The following DPPA2 variants were observed in gnomAD, a reference collection of about 807,000 sequenced individuals.
DPPA2 encodes the protein developmental pluripotency-associated protein 2.
A neutral mutation model predicts 36.2 loss-of-function variants in DPPA2; 26 were observed. The observed-to-expected ratio is 0.72, with a 90% CI of 0.53 to 1.00. DPPA2 has a LOEUF of 1.00. DPPA2 is among the 50% of genes least tolerant of loss of function. DPPA2 has a pLI of 0.00. For synonymous variants in DPPA2, 113 were observed against 123.2 expected (o/e 0.92, Z 0.55); for missense variants, 361 against 365.1 (o/e 0.99, Z 0.09).
At chr3:109,300,332 A>G (rs547471491) in intron 8 of DPPA2, 39 bp downstream of exon 8, 2 of 1,536,042 alleles carry the variant, frequency 1.3e-6, no homozygotes, top group East Asian at 2.2e-5. Context: ...TCAAATCAAA[A>G]TAATACTTAT....
chr3:109,304,494 A>AT lies in DPPA2; in HGVS notation c.834dup (p.Cys279MetfsTer6). The AT allele has an allele frequency of 6.2e-7, 1 of 1,613,578 alleles. No individual in the cohort carries two copies. Among genetic ancestry groups the AT allele is most frequent in the South Asian group, 1.1e-5 (1 of 91,022 alleles). ...GGTTACCTCTTAGCACAGTCGGGGC[A>AT]TAACATATTATCTTCTATGCCTGGG... is the stretch of plus-strand genomic sequence containing the variant. On this transcript the variant is annotated frameshift_variant, in exon 7 of 9. Coordinates refer to ENST00000478945, the MANE Select transcript of DPPA2 (RefSeq NM_138815.4). LOFTEE classifies it high-confidence loss of function.
intron 1 of DPPA2, among the ~76,000 whole-genome samples, chr3:109,315,097 T>A (rs1431301989): frequency 1.3e-5 from 2 of 151,550 alleles, no homozygotes; most frequent in Non-Finnish European, 2.9e-5. Flanking sequence ...AAAAAATAGG[T>A]GAAACTTGAA....
intron 6 of DPPA2, among the ~76,000 whole-genome samples, chr3:109,306,626 A>G (rs1450581414): frequency 2.0e-5 from 3 of 152,022 alleles, no homozygotes; most frequent in African/African-American, 7.2e-5. Flanking sequence ...TAGCAAGAAA[A>G]GAAGAGCAGG....
At chr3:109,301,532 A>G (rs1281995704) in intron 7 of DPPA2, among the ~76,000 whole-genome samples, 2 of 151,910 alleles carry the variant, frequency 1.3e-5, no homozygotes, top group Non-Finnish European at 2.9e-5. Context: ...CATGCCTGTA[A>G]TCCCAGCTAC....
chr3:109,314,349 A>G (rs1707755854), intron 2 of DPPA2, among the ~76,000 whole-genome samples, 161 bp downstream of exon 2: 1 of 152,196 alleles, frequency 6.6e-6, no homozygotes, highest in Non-Finnish European at 1.5e-5. Flanking sequence ...AATCACATGA[A>G]AGAAAACTAA....
At chr3:109,297,664 A>G (rs1321096894) in intron 8 of DPPA2, among the ~76,000 whole-genome samples, 2 of 152,242 alleles carry the variant, frequency 1.3e-5, no homozygotes, top group African/African-American at 2.4e-5. Context: ...AAAATGCTAC[A>G]GCCACTTTTA....
intron 3 of DPPA2, among the ~76,000 whole-genome samples, chr3:109,311,589 C>T (rs1356242426): frequency 6.6e-6 from 1 of 151,718 alleles, no homozygotes; most frequent in Admixed American, 6.6e-5. Flanking sequence ...AAAATACAAA[C>T]ATTAGCTGGG....
chr3:109,298,505 G>C (rs75614041), intron 8 of DPPA2, among the ~76,000 whole-genome samples: 31,258 of 151,306 alleles, frequency 0.21, 3,346 homozygotes, highest in Admixed American at 0.3. Context: ...ACGAGGTCAG[G>C]AGCTCAAGAC....
intron 6 of DPPA2, among the ~76,000 whole-genome samples, chr3:109,307,603 CAAA>C (rs769445059): frequency 9.1e-5 from 4 of 43,846 alleles, no homozygotes; most frequent in Admixed American, 2.5e-4. Context: ...AACTCCATCT[CAAA>C]AAAAAAAAAA....
At chr3:109,310,317 A>G (rs1318232943) in intron 3 of DPPA2, among the ~76,000 whole-genome samples, 2 of 142,134 alleles carry the variant, frequency 1.4e-5, no homozygotes, top group African/African-American at 5.2e-5. Flanking sequence ...CTGAGGCAGG[A>G]GAATTGCTTG....
In DPPA2 at chr3:109,314,927, G is replaced by A. The variant is rs575809726; in HGVS notation, c.-13-372C>T. Among the ~76,000 whole-genome samples, 20 of 152,262 alleles carry A rather than the reference G, an allele frequency of 1.3e-4. No individual in the cohort carries two copies. In the South Asian group the frequency reaches 2.1e-3, roughly 16 times the overall value. The stretch of plus-strand genomic sequence containing the variant: ...AAAAAAACACAAAAATTAGGCGGGC[G>A]TTGTGGCGAGCGCCTGTAATCCCAC... On this transcript the variant is annotated intron_variant, in intron 1 of 8. Coordinates refer to ENST00000478945, the MANE Select transcript of DPPA2 (RefSeq NM_138815.4).
chr3:109,300,226 A>G lies in DPPA2; in HGVS notation c.*22+145T>C. ...CCACCATTTGTACTTCCTGGTAGAC[A>G]GCAGACAAGAGACTTTGATACATTT... On this transcript the variant is annotated intron_variant, in intron 8 of 8. Transcript: ENST00000478945. The G allele has an allele frequency of 6.1e-6, 4 of 653,624 alleles. 1 individual carries two copies. Among genetic ancestry groups the G allele is most frequent in the South Asian group, 5.5e-5 (3 of 54,156 alleles). 40.5% of individuals were successfully genotyped at this position (653,624 alleles called of 1,614,324 possible).
Position 109,300,386 on chromosome 3 carries a change from G to A in DPPA2, c.*7C>T. On this transcript the variant is annotated 3_prime_UTR_variant, in exon 8 of 9. Coordinates refer to ENST00000478945, the MANE Select transcript of DPPA2 (RefSeq NM_138815.4). ...CATCTCTTACATTGTATTCAAACAG[G>A]TTGCTGCTACTTCTCTACTGTCATT... The A allele has an allele frequency of 6.2e-7, 1 of 1,613,358 alleles. No individual in the cohort carries two copies. The highest frequency in any genetic ancestry group is 1.1e-5 in the South Asian group (1 of 91,058).
At chr3:109,309,879 C>T (rs1005348934) in intron 3 of DPPA2, among the ~76,000 whole-genome samples, 5 of 151,550 alleles carry the variant, frequency 3.3e-5, no homozygotes, top group African/African-American at 7.3e-5. Flanking sequence ...GTCAGGAGAT[C>T]GAGACCAGCC....
intron 3 of DPPA2, among the ~76,000 whole-genome samples, chr3:109,311,517 A>C (rs1378708080): frequency 6.6e-6 from 1 of 152,144 alleles, no homozygotes; most frequent in Non-Finnish European, 1.5e-5. Context: ...AGGTGGGTGG[A>C]TCACCTGAGG....
intron 7 of DPPA2, among the ~76,000 whole-genome samples, chr3:109,302,594 C>T (rs1436272634): frequency 1.3e-5 from 2 of 152,216 alleles, no homozygotes; most frequent in Non-Finnish European, 2.9e-5. Flanking sequence ...GCTGGGATTA[C>T]AGGCACATGC....
intron 7 of DPPA2, among the ~76,000 whole-genome samples, chr3:109,302,610 C>T (rs1173962384): frequency 6.6e-5 from 10 of 152,056 alleles, no homozygotes; most frequent in African/African-American, 1.4e-4. Flanking sequence ...CATGCCACTA[C>T]GCCCAGCTAA....
intron 1 of DPPA2, among the ~76,000 whole-genome samples, chr3:109,315,071 GGAAA>G (rs1707767376): frequency 6.6e-6 from 1 of 151,454 alleles, no homozygotes; most frequent in African/African-American, 2.4e-5. Context: ...AGTGAAAGAA[GGAAA>G]GAAAGAAGAA....
Position 109,308,924 on chromosome 3 carries a change from C to A in DPPA2, c.396+102G>T, listed in dbSNP as rs1707634942. Reference sequence around the variant, plus strand: ...TATCAATAATGCCACAGTGAAGAAACCCTGCCTTAGAGGTACAACACATAG... The same window carrying A: ...TATCAATAATGCCACAGTGAAGAAAACCTGCCTTAGAGGTACAACACATAG... On this transcript the variant is annotated intron_variant, in intron 5 of 8. Transcript: ENST00000478945. The A allele has an allele frequency of 4.3e-6, 6 of 1,399,138 alleles. No homozygotes were observed. In the East Asian group the frequency reaches 6.9e-5, roughly 16 times the overall value. 86.7% of individuals were successfully genotyped at this position (1,399,138 alleles called of 1,614,324 possible).
Sources: allele counts gnomAD v4.1 joint callset (sites outside exome capture counted in the v4.1 genomes callset), GRCh38; gene constraint gnomAD v4.1.1; transcripts MANE v1.5; gene names NCBI Gene and HGNC (gene_info 2026-07-23, HGNC 2026-07-21).